RASA3: variants seen among roughly 807,000 people sequenced by gnomAD.
RASA3 encodes the protein RAS p21 protein activator 3.
Under a neutral mutation model 110.0 loss-of-function variants are expected in RASA3, and 73 were observed. That is an observed-to-expected ratio of 0.66 (90% CI 0.55 to 0.81). The LOEUF is 0.81. Ranked by LOEUF, RASA3 falls within the 30% of genes least tolerant of loss-of-function variation. The pLI is 0.00. For missense variants in RASA3, 976 were observed against 1,113.2 expected (o/e 0.88, Z 1.75); for synonymous variants, 500 against 451.4 (o/e 1.11, Z -1.37).
At chr13:114,002,747 C>G (rs911880285) in intron 18 of RASA3, among the ~76,000 whole-genome samples, 5 of 152,328 alleles carry the variant, frequency 3.3e-5, no homozygotes, top group Non-Finnish European at 7.3e-5. Flanking sequence ...CCTCACTGCA[C>G]AGCTCTGGTC....
chr13:114,066,577 T>C (rs979650029), intron 2 of RASA3, among the ~76,000 whole-genome samples: 4 of 152,064 alleles, frequency 2.6e-5, no homozygotes, highest in Non-Finnish European at 5.9e-5. Context: ...GGCCGATGAG[T>C]CCCTTCCAGG....
intron 1 of RASA3, among the ~76,000 whole-genome samples, chr13:114,092,490 A>G (rs935084535): frequency 1.3e-5 from 2 of 152,062 alleles, no homozygotes; most frequent in African/African-American, 4.8e-5. Context: ...TCCTCTTGCT[A>G]TGGTTTCTAG....
At chr13:114,111,937 G>T (rs1440286732) in intron 1 of RASA3, among the ~76,000 whole-genome samples, 4 of 152,184 alleles carry the variant, frequency 2.6e-5, no homozygotes, top group African/African-American at 9.7e-5. Context: ...TTCTGTTTAT[G>T]CTGGTGAAGG....
At chr13:114,015,974 C>A (rs2053781955) in intron 13 of RASA3, among the ~76,000 whole-genome samples, 1 of 152,098 alleles carries the variant, frequency 6.6e-6, no homozygotes, top group African/African-American at 2.4e-5. Context: ...CGGGACCCCC[C>A]AGGGGACGCA....
chr13:114,042,768 C>T (rs2054440633), intron 3 of RASA3, among the ~76,000 whole-genome samples: 1 of 152,216 alleles, frequency 6.6e-6, no homozygotes, highest in Non-Finnish European at 1.5e-5. Context: ...ATCCAGCAGC[C>T]ACATGCTTGG....
At chr13:113,992,415 C>T in intron 22 of RASA3, 70 bp downstream of exon 22, 1 of 1,245,792 alleles carries the variant, frequency 8.0e-7, no homozygotes, top group Non-Finnish European at 1.2e-6. Context: ...CACCCCACAG[C>T]ATGCTCCTGA....
At chr13:114,105,729 C>T (rs1197338123) in intron 1 of RASA3, among the ~76,000 whole-genome samples, 1 of 152,232 alleles carries the variant, frequency 6.6e-6, no homozygotes, top group Non-Finnish European at 1.5e-5. Context: ...CTCTGAGCAG[C>T]CCGTCCGTTG....
chr13:114,095,263 A>G (rs575685838), intron 1 of RASA3, among the ~76,000 whole-genome samples: 11 of 152,322 alleles, frequency 7.2e-5, no homozygotes, highest in African/African-American at 2.2e-4. Context: ...TGTAATTCAC[A>G]TATCATACAA....
intron 20 of RASA3, among the ~76,000 whole-genome samples, chr13:113,997,618 CA>C (rs1041247290): frequency 2.0e-5 from 3 of 151,478 alleles, no homozygotes; most frequent in African/African-American, 7.3e-5. Flanking sequence ...GGTGCTGGGG[CA>C]GGGGGGACAG....
intron 18 of RASA3, among the ~76,000 whole-genome samples, chr13:114,001,845 G>A (rs1326624707): frequency 6.6e-6 from 1 of 152,266 alleles, no homozygotes; most frequent in Admixed American, 6.5e-5. Flanking sequence ...TCACGCACCA[G>A]CGCCTCTGCC....
intron 22 of RASA3, among the ~76,000 whole-genome samples, chr13:113,990,224 T>C (rs2053075604): frequency 1.3e-5 from 2 of 152,044 alleles, no homozygotes; most frequent in South Asian, 4.2e-4. Context: ...CTTTTCTTTA[T>C]AGCAACATGA....
intron 4 of RASA3, among the ~76,000 whole-genome samples, chr13:114,037,960 G>A (rs2054311747): frequency 6.6e-6 from 1 of 152,134 alleles, no homozygotes; most frequent in South Asian, 2.1e-4. Context: ...GGGGGAGCCG[G>A]GAGAAGGGAG....
At chr13:114,110,737 C>T (rs767229010) in intron 1 of RASA3, among the ~76,000 whole-genome samples, 5 of 152,276 alleles carry the variant, frequency 3.3e-5, no homozygotes, top group Non-Finnish European at 7.3e-5. Context: ...CCTTCACCCG[C>T]TCAGCCTCCC....
chr13:114,059,476 C>T (rs1365711601), intron 2 of RASA3, among the ~76,000 whole-genome samples: 1 of 152,244 alleles, frequency 6.6e-6, no homozygotes, highest in Non-Finnish European at 1.5e-5. Flanking sequence ...CGGGCCTTGC[C>T]GGGGGAAGCA....
In RASA3 at chr13:114,110,772, C is replaced by T. The variant is rs2080207149; in HGVS notation, c.55+21663G>A. On this transcript the variant is annotated intron_variant, in intron 1 of 23. Coordinates refer to ENST00000334062, the MANE Select transcript of RASA3 (RefSeq NM_007368.4). ...CGCGTCCCCACAGCCCGGACCGGAG[C>T]CTCAGAGCACCAGGACACACCCATC... Among the ~76,000 whole-genome samples, 3 of 152,338 alleles carry T rather than the reference C, an allele frequency of 2.0e-5. No individual in the cohort carries two copies. In the South Asian group the frequency reaches 6.2e-4, roughly 32 times the overall value.
At chr13:114,108,452 C>T (rs2080170683) in intron 1 of RASA3, among the ~76,000 whole-genome samples, 1 of 113,386 alleles carries the variant, frequency 8.8e-6, no homozygotes, top group Non-Finnish European at 1.8e-5. Flanking sequence ...ACCCCCCGTC[C>T]GTCATCCTCC....
chr13:114,063,995 C>A (rs1045829875), intron 2 of RASA3, among the ~76,000 whole-genome samples: 49 of 152,296 alleles, frequency 3.2e-4, no homozygotes, highest in African/African-American at 1.0e-3. Context: ...GAATGACCAT[C>A]TTTTCATGCT....
chr13:113,999,690 G>A, intron 19 of RASA3, 23 bp from the exon 20 acceptor site: 2 of 1,605,534 alleles, frequency 1.2e-6, no homozygotes, highest in Middle Eastern at 1.7e-4. Flanking sequence ...TGGACTGTCA[G>A]TGGGTGCGGG....
At chr13:114,125,785 C>T (rs1400004319) in intron 1 of RASA3, among the ~76,000 whole-genome samples, 1 of 152,160 alleles carries the variant, frequency 6.6e-6, no homozygotes, top group Non-Finnish European at 1.5e-5. Context: ...ACACAGACCC[C>T]TGCTCTGACC....
Sources: gnomAD v4.1 joint callset for allele counts (sites outside exome capture counted in the v4.1 genomes callset) on GRCh38, gnomAD v4.1.1 for gene constraint, MANE v1.5 for transcripts, NCBI Gene and HGNC (gene_info 2026-07-23, HGNC 2026-07-21) for gene names.